TGFBR3: variants seen among roughly 807,000 people sequenced by gnomAD.
TGFBR3 encodes transforming growth factor beta receptor 3, also known as transforming growth factor beta receptor type 3.
In TGFBR3, 46 loss-of-function variants were observed where a neutral mutation model predicts 87.9. The observed-to-expected ratio is 0.52, with a 90% CI of 0.41 to 0.67. The LOEUF (loss-of-function observed/expected upper bound fraction) is 0.67, where lower values mean the gene tolerates loss of function less well. Among genes scored for constraint, TGFBR3 ranks in the 30% least tolerant of loss-of-function variants. The pLI, the probability that TGFBR3 is intolerant of heterozygous loss-of-function variation, is 0.00. For missense variants in TGFBR3, 866 were observed against 1,041.9 expected (o/e 0.83, Z 2.32); for synonymous variants, 381 against 391.6 (o/e 0.97, Z 0.32).
At chr1:91,807,670 C>T (rs759347026) in intron 2 of TGFBR3, among the ~76,000 whole-genome samples, 46 of 152,294 alleles carry the variant, frequency 3.0e-4, no homozygotes, top group Non-Finnish European at 5.4e-4. Flanking sequence ...CTGGACGTGC[C>T]AACAGAGGGG....
At chr1:91,748,134 G>A (rs934037311) in intron 4 of TGFBR3, among the ~76,000 whole-genome samples, 7 of 152,198 alleles carry the variant, frequency 4.6e-5, no homozygotes, top group South Asian at 2.1e-4. Context: ...GAATGGAGGT[G>A]AGGCCTCTAG....
chr1:91,868,753 T>G (rs1049412518), intron 1 of TGFBR3, among the ~76,000 whole-genome samples: 3 of 152,182 alleles, frequency 2.0e-5, no homozygotes, highest in African/African-American at 7.2e-5. Context: ...CCTCAGGCCC[T>G]AGCAAGCACC....
intron 1 of TGFBR3, among the ~76,000 whole-genome samples, chr1:91,876,326 AG>A (rs1335094079): frequency 1.3e-5 from 2 of 152,204 alleles, no homozygotes; most frequent in Non-Finnish European, 2.9e-5. Context: ...GGCAGTGGAA[AG>A]GAGATTTCTT....
intron 3 of TGFBR3, among the ~76,000 whole-genome samples, chr1:91,782,886 C>T (rs1462632441): frequency 2.0e-5 from 3 of 152,044 alleles, no homozygotes; most frequent in Admixed American, 6.5e-5. Flanking sequence ...AAGAAGACAT[C>T]GATGCAGCTT....
chr1:91,692,228 T>C (rs1172055540), intron 16 of TGFBR3, among the ~76,000 whole-genome samples: 2 of 152,178 alleles, frequency 1.3e-5, no homozygotes, highest in Non-Finnish European at 2.9e-5. Flanking sequence ...ACATTTTCCA[T>C]AACAGGAGGT....
chr1:91,860,757 C>A (rs1678149536), intron 2 of TGFBR3, among the ~76,000 whole-genome samples: 2 of 151,838 alleles, frequency 1.3e-5, no homozygotes, highest in South Asian at 2.1e-4. Flanking sequence ...AATGGTGAAA[C>A]CCTGTCTCTA....
At chr1:91,685,538 G>T (rs530341151) in intron 16 of TGFBR3, among the ~76,000 whole-genome samples, 2 of 152,134 alleles carry the variant, frequency 1.3e-5, no homozygotes, top group South Asian at 4.2e-4. Flanking sequence ...TAGCCAGGAT[G>T]GTATCGATCT....
At chr1:91,727,844 T>C (rs1672603010) in intron 6 of TGFBR3, 38 bp from the exon 7 acceptor site, 1 of 1,611,740 alleles carries the variant, frequency 6.2e-7, no homozygotes, top group Non-Finnish European at 8.5e-7. Flanking sequence ...AAGACCTACA[T>C]GCCAGAAAGT....
Position 91,719,958 on chromosome 1 carries a change from T to C in TGFBR3, c.1348A>G (p.Ile450Val). 1 of 1,614,150 alleles carries C rather than the reference T, an allele frequency of 6.2e-7. No individual in the cohort carries two copies. Among genetic ancestry groups the C allele is most frequent in the Non-Finnish European group, 8.5e-7 (1 of 1,180,026 alleles). Residue 450 changes from isoleucine (I) to valine (V), a missense_variant, in exon 9 of 17, where the codon ATT (isoleucine) becomes GTT (valine). Ile to Val is a conservative substitution (Grantham distance 29). Coordinates refer to ENST00000212355, the MANE Select transcript of TGFBR3 (RefSeq NM_003243.5). Reference protein sequence around the residue: ...EPEEVQGSVDIALSVKCDNEK... With the variant: ...EPEEVQGSVDVALSVKCDNEK... Reference sequence around the variant, plus strand: ...TTGTCACATTTGACAGACAGGGCAATATCCACGCTCCCTTGCACCTCTTCT... The same window carrying C: ...TTGTCACATTTGACAGACAGGGCAACATCCACGCTCCCTTGCACCTCTTCT...
At chr1:91,888,400 A>C (rs1679380297), upstream of TGFBR3, among the ~76,000 whole-genome samples, 1 of 152,226 alleles carries the variant, frequency 6.6e-6, no homozygotes, top group Admixed American at 6.5e-5. Flanking sequence ...GTGAATATTT[A>C]ATCCCACATT....
Position 91,729,930 on chromosome 1 carries a change from G to C in TGFBR3, c.612C>G (p.Leu204=). 1.2e-6 allele frequency: 2 copies of C among 1,614,194 alleles called. No homozygotes were observed. Among genetic ancestry groups the C allele is most frequent in the Non-Finnish European group, 1.7e-6 (2 of 1,180,032 alleles). The change falls in exon 6 of 17, where the codon CTC becomes CTG. Residue 204 remains leucine (L), a synonymous_variant. Coordinates refer to ENST00000212355, the MANE Select transcript of TGFBR3 (RefSeq NM_003243.5). ...GGTACTCAGCAAGGTAATTGAGTGAGAGAAAATTCTTCCCTATGTTGCACT... is the reference window on the plus strand; with the variant it reads ...GGTACTCAGCAAGGTAATTGAGTGACAGAAAATTCTTCCCTATGTTGCACT... ...PPKCNIGKNF[L]SLNYLAEYLQ... is the part of the protein sequence containing the mutation.
At chr1:91,698,308 G>A (rs973601926) in intron 14 of TGFBR3, among the ~76,000 whole-genome samples, 178 bp from the exon 15 acceptor site, 3 of 152,084 alleles carry the variant, frequency 2.0e-5, no homozygotes, top group African/African-American at 7.2e-5. Context: ...GAAATTTTAA[G>A]CATTGCATTT....
At chr1:91,696,729 T>C (rs1371389159) in intron 15 of TGFBR3, among the ~76,000 whole-genome samples, 2 of 152,244 alleles carry the variant, frequency 1.3e-5, no homozygotes, top group East Asian at 3.8e-4. Context: ...ATCTCCCCAC[T>C]ATTATCATAT....
intron 10 of TGFBR3, among the ~76,000 whole-genome samples, chr1:91,717,445 C>T (rs1672214940): frequency 6.6e-6 from 1 of 152,074 alleles, no homozygotes; most frequent in South Asian, 2.1e-4. Flanking sequence ...CAGATATATT[C>T]CCGGAATCTA....
chr1:91,700,113 G>C (rs561153113), intron 14 of TGFBR3, among the ~76,000 whole-genome samples: 1 of 152,168 alleles, frequency 6.6e-6, no homozygotes, highest in East Asian at 1.9e-4. Flanking sequence ...TAACAGCAGC[G>C]TTGAGTTGTT....
At chr1:91,779,876 C>T (rs1674700839) in intron 3 of TGFBR3, among the ~76,000 whole-genome samples, 1 of 152,176 alleles carries the variant, frequency 6.6e-6, no homozygotes, top group Admixed American at 6.5e-5. Context: ...AGGCCAAAAC[C>T]AAGGTGTCAG....
chr1:91,737,737 C>G (rs868513452), intron 4 of TGFBR3, among the ~76,000 whole-genome samples: 7 of 152,288 alleles, frequency 4.6e-5, no homozygotes, highest in South Asian at 2.1e-4. Context: ...GGCAACACCC[C>G]TAGCTTCTTC....
In TGFBR3 at chr1:91,741,400, G is replaced by A. The variant is rs17883427; in HGVS notation, c.385-6441C>T. On this transcript the variant is annotated intron_variant, in intron 4 of 16. Coordinates refer to ENST00000212355, the MANE Select transcript of TGFBR3 (RefSeq NM_003243.5). Reference sequence around the variant, plus strand: ...GGAGAGCGCCACTCCCCCACGCCCCGGCACCTCCACATGCTCACCAACCAG... The same window carrying A: ...GGAGAGCGCCACTCCCCCACGCCCCAGCACCTCCACATGCTCACCAACCAG... 9.4e-3 allele frequency among the ~76,000 whole-genome samples: 1,433 copies of A among 152,078 alleles called. 24 individuals carry two copies. Among genetic ancestry groups the A allele is most frequent in the African/African-American group, 0.032 (1,345 of 41,484 alleles).
intron 16 of TGFBR3, among the ~76,000 whole-genome samples, chr1:91,688,889 T>A (rs1290100003): frequency 6.6e-6 from 1 of 151,810 alleles, no homozygotes; most frequent in African/African-American, 2.4e-5. Context: ...GCAGACAGAC[T>A]AAGGTGTGAT....
Sources: gnomAD v4.1 joint callset for allele counts (sites outside exome capture counted in the v4.1 genomes callset) on GRCh38, gnomAD v4.1.1 for gene constraint, MANE v1.5 for transcripts, NCBI Gene and HGNC (gene_info 2026-07-23, HGNC 2026-07-21) for gene names.